Variants in GRID2 observed in about 807,000 individuals in gnomAD.
The protein encoded by GRID2 is glutamate receptor ionotropic, delta-2.
GRID2 carries 33 observed loss-of-function variants against 114.8 expected under a neutral mutation model. The ratio of observed to expected loss-of-function variants is 0.29; its 90% CI spans 0.22 to 0.38. GRID2 has a LOEUF of 0.38. GRID2 is among the 10% of genes least tolerant of loss of function. The pLI is 1.00. For missense variants in GRID2, 1,184 were observed against 1,257.7 expected (o/e 0.94, Z 0.89); for synonymous variants, 505 against 449.9 (o/e 1.12, Z -1.55).
intron 8 of GRID2, among the ~76,000 whole-genome samples, chr4:93,387,784 A>G (rs1172064543): frequency 3.3e-5 from 5 of 151,266 alleles, no homozygotes; most frequent in Non-Finnish European, 7.4e-5. Context: ...GAGCCGAGAT[A>G]ATGCCACTGC....
chr4:92,547,489 G>T (rs559448937), intron 1 of GRID2, among the ~76,000 whole-genome samples: 1 of 152,228 alleles, frequency 6.6e-6, no homozygotes, highest in Admixed American at 6.5e-5. Flanking sequence ...TAATTCTCTA[G>T]TGAACAAACA....
intron 1 of GRID2, among the ~76,000 whole-genome samples, chr4:92,508,495 A>C (rs752314589): frequency 6.6e-6 from 1 of 151,956 alleles, no homozygotes; most frequent in Non-Finnish European, 1.5e-5. Context: ...GAGGTCATGG[A>C]GGCCCTTACT....
intron 2 of GRID2, among the ~76,000 whole-genome samples, chr4:92,643,083 C>CT (rs1296446175): frequency 6.6e-6 from 1 of 151,456 alleles, no homozygotes; most frequent in Non-Finnish European, 1.5e-5. Context: ...TATTTGTGCT[C>CT]TTTTTTGGTT....
At chr4:92,690,776 T>C (rs896383152) in intron 2 of GRID2, among the ~76,000 whole-genome samples, 4 of 152,142 alleles carry the variant, frequency 2.6e-5, no homozygotes, top group Non-Finnish European at 4.4e-5. Flanking sequence ...TATTTCTTAG[T>C]ACCCTCATTT....
chr4:92,965,234 A>G (rs1233546354), intron 2 of GRID2, among the ~76,000 whole-genome samples: 1 of 151,818 alleles, frequency 6.6e-6, no homozygotes, highest in African/African-American at 2.4e-5. Context: ...TCATTTTGCC[A>G]TCTTTTATGG....
chr4:92,609,625 T>TTATA (rs558362926), intron 2 of GRID2, among the ~76,000 whole-genome samples: 1 of 142,350 alleles, frequency 7.0e-6, no homozygotes, highest in Non-Finnish European at 1.5e-5. Flanking sequence ...ATAATATATA[T>TTATA]TATATATATA....
At chr4:92,434,747 T>C (rs1293280154) in intron 1 of GRID2, among the ~76,000 whole-genome samples, 1 of 152,126 alleles carries the variant, frequency 6.6e-6, no homozygotes, top group Admixed American at 6.6e-5. Flanking sequence ...AATACAAATT[T>C]TTCCAAAAGG....
chr4:92,849,070 A>T (rs902606753), intron 2 of GRID2, among the ~76,000 whole-genome samples: 1 of 151,966 alleles, frequency 6.6e-6, no homozygotes, highest in Non-Finnish European at 1.5e-5. Flanking sequence ...TTAGCTTTCC[A>T]GGGTATAGAG....
intron 1 of GRID2, among the ~76,000 whole-genome samples, chr4:92,361,780 C>G (rs1237488894): frequency 6.6e-6 from 1 of 151,930 alleles, no homozygotes; most frequent in Non-Finnish European, 1.5e-5. Context: ...ACGCATGATT[C>G]TTGTAATCTG....
intron 3 of GRID2, among the ~76,000 whole-genome samples, chr4:93,105,078 A>T (rs1260466891): frequency 6.6e-6 from 1 of 151,762 alleles, no homozygotes; most frequent in East Asian, 1.9e-4. Flanking sequence ...GCATTTTTTC[A>T]TGTGTCTTTT....
chr4:92,974,855 C>T (rs1553960470), intron 2 of GRID2, among the ~76,000 whole-genome samples: 1 of 151,536 alleles, frequency 6.6e-6, no homozygotes, highest in Non-Finnish European at 1.5e-5. Flanking sequence ...AAACAAACAA[C>T]AAAAAAAGTG....
At chr4:93,354,790 A>G (rs965781533) in intron 8 of GRID2, among the ~76,000 whole-genome samples, 1 of 124,702 alleles carries the variant, frequency 8.0e-6, no homozygotes, top group Non-Finnish European at 1.6e-5. Context: ...ATATATGAAG[A>G]TTTATATATA....
intron 4 of GRID2, among the ~76,000 whole-genome samples, chr4:93,127,071 A>G (rs1734346261): frequency 6.6e-6 from 1 of 152,226 alleles, no homozygotes; most frequent in Non-Finnish European, 1.5e-5. Context: ...ACCCAATGGC[A>G]TAGATAGAAC....
At chr4:93,716,974 A>G (rs944531252) in intron 14 of GRID2, among the ~76,000 whole-genome samples, 3 of 152,286 alleles carry the variant, frequency 2.0e-5, no homozygotes, top group African/African-American at 7.2e-5. Flanking sequence ...TTTAAAAAGT[A>G]TGCAGTGAAA....
chr4:93,025,034 C>A (rs1461366648), intron 2 of GRID2, among the ~76,000 whole-genome samples: 1 of 151,160 alleles, frequency 6.6e-6, no homozygotes, highest in Non-Finnish European at 1.5e-5. Context: ...TGGCATTCAG[C>A]ACAAACCTAG....
chr4:93,392,563 G>A (rs1013074082), intron 8 of GRID2, among the ~76,000 whole-genome samples: 23 of 152,028 alleles, frequency 1.5e-4, no homozygotes, highest in African/African-American at 5.6e-4. Context: ...GGAGGTAAGT[G>A]GATATGAACA....
intron 2 of GRID2, among the ~76,000 whole-genome samples, chr4:93,008,481 T>G (rs1320694103): frequency 1.3e-5 from 2 of 152,154 alleles, no homozygotes; most frequent in Non-Finnish European, 2.9e-5. Flanking sequence ...TTTCTCTTCC[T>G]TTCCTTTTCT....
At chr4:92,578,725 TATCTATCA>T (rs200128990) in intron 1 of GRID2, among the ~76,000 whole-genome samples, 1 of 149,512 alleles carries the variant, frequency 6.7e-6, no homozygotes, top group Non-Finnish European at 1.5e-5. Context: ...ATTATCTATC[TATCTATCA>T]ATCTATCTAT....
At chr4:92,468,230 T>C (rs764812455) in intron 1 of GRID2, among the ~76,000 whole-genome samples, 1 of 152,070 alleles carries the variant, frequency 6.6e-6, no homozygotes, top group African/African-American at 2.4e-5. Context: ...GATCATTGAC[T>C]AATACAATTC....
Sources: allele counts gnomAD v4.1 joint callset (sites outside exome capture counted in the v4.1 genomes callset), GRCh38; gene constraint gnomAD v4.1.1; transcripts MANE v1.5; gene names NCBI Gene and HGNC (gene_info 2026-07-23, HGNC 2026-07-21).